The following ARPC1A variants were observed in gnomAD, a reference collection of about 807,000 sequenced individuals.
The protein encoded by ARPC1A is actin-related protein 2/3 complex subunit 1A.
Under a neutral mutation model 46.9 loss-of-function variants are expected in ARPC1A, and 8 were observed. The observed-to-expected ratio is 0.17, with a 90% CI of 0.10 to 0.31. The LOEUF (loss-of-function observed/expected upper bound fraction) is 0.31. Ranked by LOEUF, ARPC1A falls within the 10% of genes least tolerant of loss-of-function variation. The pLI is 1.00. For missense variants in ARPC1A, 286 were observed against 483.6 expected (o/e 0.59, Z 3.83); for synonymous variants, 152 against 169.0 (o/e 0.90, Z 0.78).
intron 3 of ARPC1A, among the ~76,000 whole-genome samples, chr7:99,343,317 T>A (rs951676022): frequency 2.0e-5 from 3 of 151,774 alleles, no homozygotes; most frequent in Non-Finnish European, 4.4e-5. Context: ...AATACAAAAA[T>A]TAGCCGGGCA....
At chr7:99,352,979 A>ATATG (rs1337600378) in intron 5 of ARPC1A, among the ~76,000 whole-genome samples, 1 of 151,832 alleles carries the variant, frequency 6.6e-6, no homozygotes, top group Admixed American at 6.6e-5. Flanking sequence ...AAATATATAT[A>ATATG]TATATACTAG....
chr7:99,353,166 ATG>A, intron 5 of ARPC1A, among the ~76,000 whole-genome samples: 1 of 146,674 alleles, frequency 6.8e-6, no homozygotes, highest in Non-Finnish European at 1.5e-5. Flanking sequence ...ATGTTATGTT[ATG>A]TTATTTTAGA....
At chr7:99,349,612 G>A (rs1018882412) in intron 5 of ARPC1A, among the ~76,000 whole-genome samples, 1 of 152,086 alleles carries the variant, frequency 6.6e-6, no homozygotes, top group Admixed American at 6.6e-5. Context: ...GCTGAGGTGG[G>A]CGGATCACAA....
rs537623249 is a variant in ARPC1A, at chr7:99,335,822, C to T, written c.65-2359C>T. ...ACAAAAAATTAGCCCGGTGTGGTGG[C>T]GGGCGCCTGTAGTCCCAGTTACTCG... On this transcript the variant is annotated intron_variant, in intron 2 of 9. Coordinates refer to ENST00000262942, the MANE Select transcript of ARPC1A (RefSeq NM_006409.4). 3.9e-5 allele frequency among the ~76,000 whole-genome samples: 6 copies of T among 152,168 alleles called. No homozygotes were observed. In the East Asian group the frequency reaches 1.2e-3, roughly 29 times the overall value.
chr7:99,364,042 C>T (rs1423503937), intron 9 of ARPC1A, among the ~76,000 whole-genome samples: 3 of 152,138 alleles, frequency 2.0e-5, no homozygotes, highest in Non-Finnish European at 4.4e-5. Flanking sequence ...GCAACCTCCG[C>T]CTCCCGGGTT....
intron 1 of ARPC1A, among the ~76,000 whole-genome samples, chr7:99,330,464 G>A (rs1793127603): frequency 6.6e-6 from 1 of 152,134 alleles, no homozygotes; most frequent in Non-Finnish European, 1.5e-5. Context: ...ACAGGTGCCT[G>A]CCACCATGCC....
At chr7:99,354,884 G>A (rs1055412208) in intron 6 of ARPC1A, among the ~76,000 whole-genome samples, 8 of 151,654 alleles carry the variant, frequency 5.3e-5, no homozygotes, top group Non-Finnish European at 1.2e-4. Context: ...AGGCTGAGGC[G>A]GGCGGATCAC....
chr7:99,359,177 T>G (rs1793694797), intron 7 of ARPC1A, among the ~76,000 whole-genome samples: 1 of 150,542 alleles, frequency 6.6e-6, no homozygotes. Context: ...GGCTCACGCC[T>G]GTAGTCCCAG....
chr7:99,343,381 G>C (rs368055126), intron 3 of ARPC1A, among the ~76,000 whole-genome samples: 1 of 151,810 alleles, frequency 6.6e-6, no homozygotes, highest in Non-Finnish European at 1.5e-5. Context: ...CAGGAGAATC[G>C]CTTGAACCCG....
intron 5 of ARPC1A, among the ~76,000 whole-genome samples, chr7:99,353,505 TTCTC>T (rs1348439694): frequency 2.7e-5 from 4 of 146,828 alleles, no homozygotes; most frequent in African/African-American, 1.0e-4. Flanking sequence ...GAGAAGGAGT[TTCTC>T]TCTTGTTGCC....
intron 8 of ARPC1A, among the ~76,000 whole-genome samples, chr7:99,360,907 C>T (rs1793728023): frequency 6.8e-6 from 1 of 147,668 alleles, no homozygotes; most frequent in African/African-American, 2.5e-5. Flanking sequence ...AGCTACTGCA[C>T]TCCCGCCTGG....
intron 8 of ARPC1A, chr7:99,359,949 G>C (rs1329179728): frequency 4.9e-6 from 3 of 607,700 alleles, no homozygotes; most frequent in Non-Finnish European, 8.7e-6. Context: ...TGGTCATTCT[G>C]TCCTTCAAGG....
chr7:99,335,744 G>A (rs1480306376), intron 2 of ARPC1A, among the ~76,000 whole-genome samples: 30 of 152,084 alleles, frequency 2.0e-4, no homozygotes, highest in Admixed American at 2.0e-3. Context: ...CACGAGGTCA[G>A]GAGATCAAGA....
At chr7:99,340,103 A>G (rs1468455513) in intron 3 of ARPC1A, 22 of 421,474 alleles carry the variant, frequency 5.2e-5, no homozygotes, top group Non-Finnish European at 8.8e-5. Flanking sequence ...TGTCCTGTTC[A>G]TAAATCCTGA....
At chr7:99,338,129 T>C (rs965162053) in intron 2 of ARPC1A, 52 bp from the exon 3 acceptor site, 3 of 1,368,052 alleles carry the variant, frequency 2.2e-6, no homozygotes, top group Non-Finnish European at 3.1e-6. Flanking sequence ...GTCCCCTTTT[T>C]GGTGACAATT....
chr7:99,365,788 T>C, intron 9 of ARPC1A, 103 bp from the exon 10 acceptor site: 1 of 1,262,734 alleles, frequency 7.9e-7, no homozygotes, highest in South Asian at 1.3e-5. Flanking sequence ...AGGTTCAGGG[T>C]GGGGACAGGC....
At chr7:99,335,126 A>G (rs547713676) in intron 2 of ARPC1A, among the ~76,000 whole-genome samples, 14 of 152,028 alleles carry the variant, frequency 9.2e-5, no homozygotes, top group Non-Finnish European at 1.2e-4. Flanking sequence ...TTACAGGTGT[A>G]AGCCACTGCG....
At position 99,359,659 on chromosome 7, in the gene ARPC1A, C is replaced by A; in HGVS notation, c.904C>A (p.Arg302Ser). 6.2e-7 allele frequency: 1 copy of A among 1,614,122 alleles called. No individual in the cohort carries two copies. ...CCAACGCAACATGTCTGCCATGGAA[C>A]GCTTCCGCAACATGGACAAGAGAGC... The part of the protein sequence containing the change: ...SIQRNMSAME[R>S]FRNMDKRATT... Residue 302 changes from arginine (R) to serine (S), a missense_variant, in exon 8 of 10, where the codon CGC (arginine) becomes AGC (serine). Around this residue, in one of 5 missense-constraint regions of ARPC1A, gnomAD observed 182 missense variants for 276.7 expected, o/e 0.66. Transcript: ENST00000262942.
intron 8 of ARPC1A, among the ~76,000 whole-genome samples, chr7:99,362,621 C>T (rs1029114033): frequency 6.6e-6 from 1 of 150,704 alleles, no homozygotes; most frequent in African/African-American, 2.4e-5. Flanking sequence ...GGATTACAGG[C>T]GTGAGCCACT....
Sources: gnomAD v4.1 joint callset for allele counts (sites outside exome capture counted in the v4.1 genomes callset) on GRCh38, gnomAD v4.1.1 for gene constraint, gnomAD v4.1.1 regional missense constraint, MANE v1.5 for transcripts, NCBI Gene and HGNC (gene_info 2026-07-23, HGNC 2026-07-21) for gene names.